MICAL3: variants seen among roughly 807,000 people sequenced by gnomAD.
MICAL3 encodes the protein [F-actin]-monooxygenase MICAL3.
MICAL3 carries 62 observed loss-of-function variants against 207.4 expected under a neutral mutation model. The ratio of observed to expected loss-of-function variants is 0.30; its 90% CI spans 0.24 to 0.37. The LOEUF is 0.37. Ranked by LOEUF, MICAL3 falls within the 10% of genes least tolerant of loss-of-function variation. MICAL3 has a pLI of 1.00. For missense variants in MICAL3, 2,368 were observed against 2,635.6 expected (o/e 0.90, Z 2.22); for synonymous variants, 1,077 against 1,069.3 (o/e 1.01, Z -0.14).
chr22:17,795,892 C>T (rs2061871029), intron 29 of MICAL3, among the ~76,000 whole-genome samples: 1 of 8,910 alleles, frequency 1.1e-4, no homozygotes, highest in Non-Finnish European at 2.1e-4. Flanking sequence ...ACTGAGCATG[C>T]ATGGGGCGGG....
intron 1 of MICAL3, among the ~76,000 whole-genome samples, chr22:17,959,434 C>A (rs1432667155): frequency 6.6e-6 from 1 of 152,080 alleles, no homozygotes; most frequent in African/African-American, 2.4e-5. Context: ...CCTGCCTCAG[C>A]CTCCCGAGTA....
intron 19 of MICAL3, among the ~76,000 whole-genome samples, chr22:17,844,430 T>C (rs991982315): frequency 6.6e-5 from 10 of 152,238 alleles, no homozygotes; most frequent in Admixed American, 2.6e-4. Context: ...ACTTCTGTTG[T>C]GTGCAGTGTT....
At chr22:17,864,855 G>A (rs1390445362) in intron 19 of MICAL3, 44 bp downstream of exon 19, 28 of 1,613,798 alleles carry the variant, frequency 1.7e-5, no homozygotes, top group Non-Finnish European at 1.9e-5. Context: ...CACAGAGGCC[G>A]AGGGAGTGAC....
chr22:17,894,231 G>A (rs904813494), intron 10 of MICAL3, among the ~76,000 whole-genome samples: 1 of 151,828 alleles, frequency 6.6e-6, no homozygotes, highest in African/African-American at 2.4e-5. Context: ...GGGAAACACA[G>A]GGAGGCCTCG....
At position 17,802,387 on chromosome 22, in the gene MICAL3, A is replaced by C. The variant is rs190040874; in HGVS notation, c.5650+6457T>G. Among the ~76,000 whole-genome samples, 13 of 152,154 alleles carry C rather than the reference A, an allele frequency of 8.5e-5. No individual in the cohort carries two copies. In the East Asian group the frequency reaches 2.3e-3, roughly 27 times the overall value. On this transcript the variant is annotated intron_variant, in intron 29 of 31. Transcript: ENST00000441493. ...GTGAAATTCACTTAGAATAGACATA[A>C]ACACTCCCGAGGTGGTGTTAGGAGA...
Position 17,998,559 on chromosome 22 carries a change from TA to T in MICAL3, c.-75+25721del, listed in dbSNP as rs1200698020. ...TAATAATAATAATAATTATTATTAT[TA>T]TTATTTTTTTTTTGAGATGAAGTCT... is the stretch of plus-strand genomic sequence containing the variant. On this transcript the variant is annotated intron_variant, in intron 1 of 31. Coordinates refer to ENST00000441493, the MANE Select transcript of MICAL3 (RefSeq NM_015241.3). 1.4e-3 allele frequency among the ~76,000 whole-genome samples: 192 copies of T among 138,850 alleles called. 1 individual carries two copies. The highest frequency in any genetic ancestry group is 2.1e-3 in the South Asian group (9 of 4,378). 91.1% of individuals were successfully genotyped at this position (138,850 alleles called of 152,430 possible).
chr22:17,991,978 C>T (rs1921733532), intron 1 of MICAL3, among the ~76,000 whole-genome samples: 1 of 152,174 alleles, frequency 6.6e-6, no homozygotes, highest in Non-Finnish European at 1.5e-5. Context: ...GCAGCATGAA[C>T]AATCTAATGC....
Position 17,793,888 on chromosome 22 carries a change from C to T in MICAL3, c.5651-2587G>A, listed in dbSNP as rs2061849975. 6.6e-6 allele frequency: 1 copy of T among 151,388 alleles called. No individual in the cohort carries two copies. Among genetic ancestry groups the T allele is most frequent in the Non-Finnish European group, 1.5e-5 (1 of 67,942 alleles). 9.4% of individuals were successfully genotyped at this position (151,388 alleles called of 1,614,324 possible). On this transcript the variant is annotated intron_variant, in intron 29 of 31. Transcript: ENST00000441493. This position sits in a 1 kb window ranked among gnomAD's most constrained non-coding sequence, Gnocchi z 4.1. Reference sequence around the variant, plus strand: ...GCAGGAATTTGGAAGTGGAGAGGGACAGGGAGAAGGTGGAATAAAAACAAG... The same window carrying T: ...GCAGGAATTTGGAAGTGGAGAGGGATAGGGAGAAGGTGGAATAAAAACAAG...
rs115476374 is a variant in MICAL3, at chr22:17,790,358, G to A, written c.*374C>T. ...TGAAGAAGACAGTGCCCCTCGCACG[G>A]CGCACTGTGGTTCTGACGGGGAGCA... On this transcript the variant is annotated 3_prime_UTR_variant, in exon 32 of 32. Coordinates refer to ENST00000441493, the MANE Select transcript of MICAL3 (RefSeq NM_015241.3). The A allele has an allele frequency of 3.5e-3, 802 of 231,130 alleles. 9 individuals are homozygous for A. Among genetic ancestry groups the A allele is most frequent in the African/African-American group, 0.017 (754 of 44,486 alleles). 14.3% of individuals were successfully genotyped at this position (231,130 alleles called of 1,614,324 possible).
At chr22:17,877,499 GGTT>G (rs1928906715) in intron 16 of MICAL3, among the ~76,000 whole-genome samples, 7 of 91,314 alleles carry the variant, frequency 7.7e-5, no homozygotes, top group African/African-American at 1.5e-4. Flanking sequence ...AGGTTAGGGA[GGTT>G]ATGGAGGTTA....
chr22:17,877,158 GTTA>G (rs1569109912), intron 16 of MICAL3, among the ~76,000 whole-genome samples: 2 of 121,894 alleles, frequency 1.6e-5, no homozygotes, highest in African/African-American at 3.1e-5. Flanking sequence ...GGTTAGGGAG[GTTA>G]TGGAGGTTAG....
chr22:17,970,635 T>C (rs1260916013), intron 1 of MICAL3, among the ~76,000 whole-genome samples: 3 of 152,222 alleles, frequency 2.0e-5, no homozygotes, highest in East Asian at 3.8e-4. Flanking sequence ...CCACTTCCTA[T>C]GTTCCCTCCT....
At chr22:17,937,970 A>G (rs1259376685) in intron 1 of MICAL3, among the ~76,000 whole-genome samples, 1 of 152,224 alleles carries the variant, frequency 6.6e-6, no homozygotes, top group Non-Finnish European at 1.5e-5. Flanking sequence ...TCAGTACAAG[A>G]CTTTACAAAC....
intron 21 of MICAL3, among the ~76,000 whole-genome samples, chr22:17,831,192 G>A (rs1209742191): frequency 6.6e-6 from 1 of 152,176 alleles, no homozygotes; most frequent in African/African-American, 2.4e-5. Context: ...CCACCCCCCA[G>A]ACTTCTGCGC....
Position 17,818,297 on chromosome 22 carries a change from G to A in MICAL3, c.4364C>T (p.Pro1455Leu). The A allele has an allele frequency of 6.6e-7, 1 of 1,523,748 alleles. No homozygotes were observed. The highest frequency in any genetic ancestry group is 8.8e-7 in the Non-Finnish European group (1 of 1,141,100). The allele number at this position is 1,523,748 out of a possible 1,614,324, so 94.4% of individuals were successfully genotyped here. The change falls in exon 26 of 32, where the codon CCC (proline) becomes CTC (leucine). Residue 1455 changes from proline (P) to leucine (L), a missense_variant. Physicochemically the swap from Pro to Leu is moderately conservative, Grantham distance 98 (BLOSUM62 -3). Transcript: ENST00000441493. ...FNTSDSAMLT[P>L]PSSPPPPPPP... ...TGGCGGTGGGGGCGGGCTGGAGGGG[G>A]GCGTGAGCATGGCGGAGTCCGAGGT...
At chr22:17,912,712 T>C (rs1932220750) in intron 1 of MICAL3, among the ~76,000 whole-genome samples, 1 of 152,240 alleles carries the variant, frequency 6.6e-6, no homozygotes, top group African/African-American at 2.4e-5. Flanking sequence ...GTACTAGCCT[T>C]GAACAGGTTT....
At chr22:17,825,278 G>A (rs964934895) in intron 22 of MICAL3, among the ~76,000 whole-genome samples, 2 of 152,220 alleles carry the variant, frequency 1.3e-5, no homozygotes, top group African/African-American at 4.8e-5. Context: ...ATAAACAGGT[G>A]AGAAATATCA....
chr22:17,854,227 G>C (rs953189672), intron 19 of MICAL3, among the ~76,000 whole-genome samples: 18 of 152,068 alleles, frequency 1.2e-4, no homozygotes, highest in Non-Finnish European at 1.8e-4. Flanking sequence ...CTTGGGGAGG[G>C]GGGTGCTACT....
chr22:17,862,731 G>C (rs1489270843), intron 19 of MICAL3: 1 of 985,382 alleles, frequency 1.0e-6, no homozygotes, highest in Non-Finnish European at 1.2e-6. Flanking sequence ...GCTAGCAGCA[G>C]AGTGAGCTCA....
Sources: gnomAD v4.1 joint callset for allele counts (sites outside exome capture counted in the v4.1 genomes callset) on GRCh38, gnomAD v4.1.1 for gene constraint, Gnocchi (gnomAD v3.1) non-coding constraint, MANE v1.5 for transcripts, NCBI Gene and HGNC (gene_info 2026-07-23, HGNC 2026-07-21) for gene names.